The following SLC25A24 variants were observed in gnomAD, a reference collection of about 807,000 sequenced individuals.
The protein encoded by SLC25A24 is solute carrier family 25 member 24.
A neutral mutation model predicts 60.7 loss-of-function variants in SLC25A24; 49 were observed. The ratio of observed to expected loss-of-function variants is 0.81; its 90% confidence interval spans 0.64 to 1.02. The LOEUF is 1.02. Ranked by LOEUF, SLC25A24 falls within the 50% of genes least tolerant of loss-of-function variation. The pLI, the probability that SLC25A24 is intolerant of heterozygous loss-of-function variation, is 0.00. For synonymous variants in SLC25A24, 202 were observed against 200.6 expected, an observed-to-expected ratio of 1.01 and a Z score of -0.06; for missense variants, 564 against 586.3, an observed-to-expected ratio of 0.96 and a Z score of 0.39.
intron 7 of SLC25A24, among the ~76,000 whole-genome samples, chr1:108,147,723 ATGGCAGCCAGCCTCTAAAG>A (rs927294760): frequency 8.6e-4 from 131 of 152,254 alleles, no homozygotes; most frequent in Middle Eastern, 3.4e-3. Context: ...TTGGACAGGA[ATGGCAGCCAGCCTCTAAAG>A]TGGCAGCCAG....
At chr1:108,178,055 C>T (rs113558772) in intron 3 of SLC25A24, among the ~76,000 whole-genome samples, 2,234 of 152,058 alleles carry the variant, frequency 0.015, 51 homozygotes, top group African/African-American at 0.051. Flanking sequence ...CCCAGCGACT[C>T]GGGAGGCTGA....
chr1:108,161,524 C>A (rs968655356), intron 3 of SLC25A24, among the ~76,000 whole-genome samples: 8 of 152,156 alleles, frequency 5.3e-5, no homozygotes, highest in African/African-American at 1.4e-4. Context: ...AGCCAGCTCA[C>A]TAAAGAATAC....
intron 7 of SLC25A24, 66 bp downstream of exon 7, chr1:108,148,213 T>C: frequency 1.1e-6 from 1 of 949,466 alleles, no homozygotes; most frequent in Non-Finnish European, 1.7e-6. Context: ...TGGGATAACT[T>C]GTTAGAGAGC....
intron 3 of SLC25A24, among the ~76,000 whole-genome samples, chr1:108,167,662 C>T (rs1020270355): frequency 3.9e-5 from 6 of 152,194 alleles, no homozygotes; most frequent in Admixed American, 1.3e-4. Flanking sequence ...GCGCACGGTG[C>T]GCACACCCAC....
At chr1:108,163,747 T>C (rs1680161665) in intron 3 of SLC25A24, among the ~76,000 whole-genome samples, 1 of 151,800 alleles carries the variant, frequency 6.6e-6, no homozygotes, top group African/African-American at 2.4e-5. Flanking sequence ...ACAGGGACAA[T>C]TTGACTTCCT....
intron 4 of SLC25A24, among the ~76,000 whole-genome samples, chr1:108,159,501 T>G (rs1329958278): frequency 5.3e-5 from 7 of 133,092 alleles, no homozygotes; most frequent in Non-Finnish European, 9.5e-5. Flanking sequence ...CATTCTTGGG[T>G]GTTTCTCGCA....
chr1:108,135,143 C>T lies in SLC25A24; in HGVS notation c.*1510G>A, dbSNP rs1328445398. The stretch of plus-strand genomic sequence containing the variant: ...TCACTTTATATATTACTCAAAAGTA[C>T]AAATAACCCTAAAAGTAGAATCCCA... On this transcript the variant is annotated 3_prime_UTR_variant, in exon 10 of 10. Coordinates refer to ENST00000565488, the MANE Select transcript of SLC25A24 (RefSeq NM_013386.5). 6.6e-6 allele frequency: 1 copy of T among 152,368 alleles called. No individual in the cohort carries two copies. Among genetic ancestry groups the T allele is most frequent in the East Asian group, 1.9e-4 (1 of 5,194 alleles). The allele number at this position is 152,368 out of a possible 1,614,324, so 9.4% of individuals were successfully genotyped here.
chr1:108,200,036 C>T lies in SLC25A24; in HGVS notation c.103G>A (p.Gly35Arg). ...TCGCCGATGTCCACCACTCCGTCCC[C>T]ATTGCGGTCCAGTGCCTGGAAGAGG... ...ETLFQALDRN[G>R]DGVVDIGELQ... The change falls in exon 1 of 10, where the codon GGG (glycine) becomes AGG (arginine). Residue 35 changes from glycine (G) to arginine (R), a missense_variant. Coordinates refer to ENST00000565488, the MANE Select transcript of SLC25A24 (RefSeq NM_013386.5). The T allele has an allele frequency of 1.2e-6, 2 of 1,609,648 alleles. No homozygotes were observed. The highest frequency in any genetic ancestry group is 1.7e-6 in the Non-Finnish European group (2 of 1,178,436).
At chr1:108,199,676 T>G (rs1648599422) in intron 1 of SLC25A24, 1 of 528,606 alleles carries the variant, frequency 1.9e-6, no homozygotes, top group Non-Finnish European at 3.3e-6. Flanking sequence ...AGGACAAAAG[T>G]GTCTTAAAAA....
intron 1 of SLC25A24, among the ~76,000 whole-genome samples, chr1:108,198,156 C>T (rs985853965): frequency 6.6e-6 from 1 of 152,124 alleles, no homozygotes; most frequent in East Asian, 1.9e-4. Flanking sequence ...TCCCAGCCTG[C>T]GGAACTGTGA....
At chr1:108,164,595 A>T (rs1343276154) in intron 3 of SLC25A24, among the ~76,000 whole-genome samples, 1 of 149,842 alleles carries the variant, frequency 6.7e-6, no homozygotes, top group Non-Finnish European at 1.5e-5. Context: ...TGTTTGTAGT[A>T]TTCTCTGATG....
chr1:108,164,008 T>C (rs567209490), intron 3 of SLC25A24, among the ~76,000 whole-genome samples: 1 of 152,372 alleles, frequency 6.6e-6, no homozygotes, highest in East Asian at 1.9e-4. Context: ...TGAAGTGTTG[T>C]TGAATTTTGT....
At chr1:108,192,495 C>T (rs766301093) in intron 1 of SLC25A24, 2 of 1,489,608 alleles carry the variant, frequency 1.3e-6, no homozygotes, top group African/African-American at 1.4e-5. Flanking sequence ...GTGAGACCCA[C>T]CTTCGCTTCC....
chr1:108,200,276 C>T lies in SLC25A24; in HGVS notation c.-138G>A. The T allele has an allele frequency of 1.3e-6, 1 of 768,628 alleles. No homozygotes were observed. The highest frequency in any genetic ancestry group is 1.8e-6 in the Non-Finnish European group (1 of 559,552). 47.6% of individuals were successfully genotyped at this position (768,628 alleles called of 1,614,324 possible). ...GTTTGGGGCGCCGTCGGGGTTGCGG[C>T]TGCGGCGCGCAGGGCGCAGGGCGCA... On this transcript the variant is annotated 5_prime_UTR_variant, in exon 1 of 10. Coordinates refer to ENST00000565488, the MANE Select transcript of SLC25A24 (RefSeq NM_013386.5).
chr1:108,199,264 C>T (rs957283176), intron 1 of SLC25A24: 8 of 152,200 alleles, frequency 5.3e-5, no homozygotes, highest in African/African-American at 1.9e-4. Context: ...TCAGGGAACG[C>T]TTCAACAGGG....
intron 6 of SLC25A24, among the ~76,000 whole-genome samples, chr1:108,150,072 T>C (rs1302963626): frequency 6.6e-6 from 1 of 152,210 alleles, no homozygotes; most frequent in South Asian, 2.1e-4. Flanking sequence ...TTTTCCTGCA[T>C]GTCAGATTGT....
At position 108,143,647 on chromosome 1, in the gene SLC25A24, T is replaced by C. The variant is rs754322234; in HGVS notation, c.994A>G (p.Lys332Glu). The change falls in exon 8 of 10, where the codon AAG becomes GAG. Residue 332 changes from lysine (K) to glutamate (E), a missense_variant. Transcript: ENST00000565488. ...AAGCCTTCATGTTTCAAAATCTTCT[T>C]GGCACAATCATATATTCCAGAGTAC... The part of the protein sequence containing the change: ...GQYSGIYDCA[K>E]KILKHEGLGA... 3.1e-5 allele frequency: 50 copies of C among 1,613,780 alleles called. No homozygotes were observed. The highest frequency in any genetic ancestry group is 3.4e-5 in the Non-Finnish European group (40 of 1,179,822).
chr1:108,184,649 T>C (rs1313100699), intron 2 of SLC25A24, among the ~76,000 whole-genome samples: 1 of 152,244 alleles, frequency 6.6e-6, no homozygotes, highest in Non-Finnish European at 1.5e-5. Flanking sequence ...ACTATCTTTG[T>C]AAATAAAGTT....
rs753234597 is a variant in SLC25A24, at chr1:108,157,533, C to A, written c.598G>T (p.Ala200Ser). The A allele has an allele frequency of 1.2e-6, 2 of 1,614,150 alleles. No homozygotes were observed. Among genetic ancestry groups the A allele is most frequent in the Non-Finnish European group, 8.5e-7 (1 of 1,180,028 alleles). ...KSGQWWRQLL[A>S]GGIAGAVSRT... is the part of the protein sequence containing the mutation. ...GAGACAGCACCAGCAATGCCTCCTGCCAAAAGCTGCCTCCACCATTGTCCG... is the reference window on the plus strand; with the variant it reads ...GAGACAGCACCAGCAATGCCTCCTGACAAAAGCTGCCTCCACCATTGTCCG... Residue 200 changes from alanine (A) to serine (S), a missense_variant, in exon 5 of 10, where the codon GCA becomes TCA. Transcript: ENST00000565488.
Sources: gnomAD v4.1 joint callset for allele counts (sites outside exome capture counted in the v4.1 genomes callset) on GRCh38, gnomAD v4.1.1 for gene constraint, MANE v1.5 for transcripts, NCBI Gene and HGNC (gene_info 2026-07-23, HGNC 2026-07-21) for gene names.